The following PABPC4L variants were observed in gnomAD, a reference collection of about 807,000 sequenced individuals.
The protein encoded by PABPC4L is polyadenylate-binding protein 4-like.
For synonymous variants in PABPC4L, 169 were observed against 164.1 expected (o/e 1.03, Z -0.23); for missense variants, 452 against 451.4 (o/e 1.00, Z -0.01).
At position 134,199,622 on chromosome 4, in the gene PABPC4L, T is replaced by C. The variant is rs571676299; in HGVS notation, c.*285A>G. On this transcript the variant is annotated 3_prime_UTR_variant, in exon 2 of 2. Coordinates refer to ENST00000421491, the MANE Select transcript of PABPC4L (RefSeq NM_001114734.2). ...ATTACCTCATTTCATTTGGTTCAAA[T>C]GTAAAAATATATCTATTTATACTTA... 2.1e-3 allele frequency: 537 copies of C among 259,026 alleles called. 2 individuals carry two copies. The highest frequency in any genetic ancestry group is 3.0e-3 in the Non-Finnish European group (423 of 139,978). The allele number at this position is 259,026 out of a possible 1,614,324, so 16.0% of individuals were successfully genotyped here. A position where few individuals can be genotyped will look rare whatever the true frequency, so the allele number is the denominator to read the frequency against.
At chr4:133,969,781 C>A in the PABPC4L span, among the ~76,000 whole-genome samples, 1 of 152,250 alleles carries the variant, frequency 6.6e-6, no homozygotes, top group African/African-American at 2.4e-5. Context: ...ACCTCTCTCA[C>A]ACACATACGC....
the PABPC4L span, among the ~76,000 whole-genome samples, chr4:134,129,632 T>G: frequency 1.3e-5 from 2 of 151,928 alleles, no homozygotes; most frequent in Admixed American, 6.6e-5. Flanking sequence ...AAATTTAAGT[T>G]TAATTAAATT....
the PABPC4L span, among the ~76,000 whole-genome samples, chr4:134,016,735 C>T: frequency 1.3e-5 from 2 of 152,090 alleles, no homozygotes; most frequent in Non-Finnish European, 2.9e-5. Context: ...AGCTGCTAGC[C>T]CGTCTCTTAG....
the PABPC4L span, among the ~76,000 whole-genome samples, chr4:133,984,049 T>G: frequency 6.6e-6 from 1 of 151,886 alleles, no homozygotes; most frequent in East Asian, 1.9e-4. Flanking sequence ...AAGTAAAATT[T>G]TAGGTGAAGA....
chr4:133,959,829 A>T, the PABPC4L span, among the ~76,000 whole-genome samples: 2 of 152,216 alleles, frequency 1.3e-5, no homozygotes, highest in Non-Finnish European at 2.9e-5. Flanking sequence ...TTGTTTGGCT[A>T]TGTTCAAGTC....
chr4:134,187,040 A>G, the PABPC4L span, among the ~76,000 whole-genome samples: 1 of 152,118 alleles, frequency 6.6e-6, no homozygotes, highest in Non-Finnish European at 1.5e-5. Flanking sequence ...CAGTCAGGAA[A>G]CAACAGGTGC....
At position 134,200,249 on chromosome 4, in the gene PABPC4L, C is replaced by G. The variant is rs780911068; in HGVS notation, c.771G>C (p.Gly257=). 2 of 1,554,380 alleles carry G rather than the reference C, an allele frequency of 1.3e-6. No individual in the cohort carries two copies. The highest frequency in any genetic ancestry group is 1.7e-6 in the Non-Finnish European group (2 of 1,148,356). Residue 257 remains glycine (G), a synonymous_variant, in exon 2 of 2, where the codon GGG becomes GGC. Coordinates refer to ENST00000421491, the MANE Select transcript of PABPC4L (RefSeq NM_001114734.2). The part of the protein sequence containing the change: ...VEEMNGRDIN[G]QLIFVGRAQK... ...GAGCCCGGCCTACAAAAATCAGCTGCCCATTTATGTCCCTTCCATTCATTT... is the reference window on the plus strand; with the variant it reads ...GAGCCCGGCCTACAAAAATCAGCTGGCCATTTATGTCCCTTCCATTCATTT...
At chr4:134,175,917 G>C in the PABPC4L span, among the ~76,000 whole-genome samples, 1 of 150,700 alleles carries the variant, frequency 6.6e-6, no homozygotes, top group African/African-American at 2.5e-5. Context: ...ATGTAAAATA[G>C]TCTTGTCTTA....
the PABPC4L span, among the ~76,000 whole-genome samples, chr4:133,975,449 A>G: frequency 5.3e-5 from 8 of 152,128 alleles, no homozygotes; most frequent in African/African-American, 1.9e-4. Flanking sequence ...AAAACTCACT[A>G]AATTGTGCAT....
the PABPC4L span, among the ~76,000 whole-genome samples, chr4:134,147,064 C>A: frequency 5.3e-5 from 8 of 152,062 alleles, no homozygotes; most frequent in Non-Finnish European, 1.2e-4. Flanking sequence ...GATAGAAATA[C>A]AAGGAAAGCA....
chr4:133,978,795 A>T, the PABPC4L span: 16 of 152,112 alleles, frequency 1.1e-4, no homozygotes, highest in African/African-American at 3.9e-4. Context: ...AGTTTCACTA[A>T]CTTTAGCAAA....
the PABPC4L span, among the ~76,000 whole-genome samples, chr4:134,160,747 C>A: frequency 1.3e-5 from 2 of 151,946 alleles, no homozygotes; most frequent in Non-Finnish European, 2.9e-5. Flanking sequence ...GCCTGTATTC[C>A]CAGCTACTCA....
chr4:134,189,689 G>T, the PABPC4L span, among the ~76,000 whole-genome samples: 1 of 152,060 alleles, frequency 6.6e-6, no homozygotes, highest in Non-Finnish European at 1.5e-5. Context: ...CTTATGATTA[G>T]ATTTCTGTCT....
chr4:134,093,960 A>C, the PABPC4L span, among the ~76,000 whole-genome samples: 1 of 151,728 alleles, frequency 6.6e-6, no homozygotes, highest in African/African-American at 2.4e-5. Context: ...TATTTTTAAA[A>C]ATTTCTTGCT....
At chr4:134,145,615 A>G in the PABPC4L span, among the ~76,000 whole-genome samples, 1 of 151,896 alleles carries the variant, frequency 6.6e-6, no homozygotes, top group Non-Finnish European at 1.5e-5. Context: ...TATGCTAATA[A>G]TCAGAGAGGT....
the PABPC4L span, among the ~76,000 whole-genome samples, chr4:134,130,569 C>G: frequency 6.6e-6 from 1 of 151,944 alleles, no homozygotes; most frequent in Non-Finnish European, 1.5e-5. Flanking sequence ...AGGCCAGGCC[C>G]AGAGAGATTC....
At chr4:134,084,192 G>T in the PABPC4L span, among the ~76,000 whole-genome samples, 1 of 152,020 alleles carries the variant, frequency 6.6e-6, no homozygotes, top group Non-Finnish European at 1.5e-5. Flanking sequence ...AGGACTACAG[G>T]CTCACAGCAC....
chr4:134,071,870 T>A, the PABPC4L span, among the ~76,000 whole-genome samples: 1 of 152,168 alleles, frequency 6.6e-6, no homozygotes, highest in East Asian at 1.9e-4. Context: ...TGTTTGTCTT[T>A]AGTAATCCTC....
chr4:134,156,526 C>G, the PABPC4L span, among the ~76,000 whole-genome samples: 12 of 150,786 alleles, frequency 8.0e-5, no homozygotes. Flanking sequence ...TGTGGATGCA[C>G]GGAAAAAAAT....
Sources: gnomAD v4.1 joint callset for allele counts (sites outside exome capture counted in the v4.1 genomes callset) on GRCh38, gnomAD v4.1.1 for gene constraint, MANE v1.5 for transcripts, NCBI Gene and HGNC (gene_info 2026-07-23, HGNC 2026-07-21) for gene names.